The following DIP2B variants were observed in gnomAD, a reference collection of about 807,000 sequenced individuals.
The protein encoded by DIP2B is disco-interacting protein 2 homolog B.
DIP2B carries 76 observed loss-of-function variants against 198.0 expected under a neutral mutation model. The ratio of observed to expected loss-of-function variants is 0.38; its 90% CI spans 0.32 to 0.46. The LOEUF (loss-of-function observed/expected upper bound fraction) is 0.46. Among genes scored for constraint, DIP2B ranks in the 20% least tolerant of loss-of-function variants. The pLI is 0.99. For missense variants in DIP2B, 1,559 were observed against 1,978.4 expected, an observed-to-expected ratio of 0.79 and a Z score of 4.02; for synonymous variants, 701 against 739.1, an observed-to-expected ratio of 0.95 and a Z score of 0.84.
intron 1 of DIP2B, among the ~76,000 whole-genome samples, chr12:50,607,759 TCA>T (rs1346769459): frequency 6.6e-6 from 1 of 152,208 alleles, no homozygotes; most frequent in African/African-American, 2.4e-5. Flanking sequence ...ACATCATTCC[TCA>T]CACAGTTTGC....
chr12:50,540,213 A>C (rs547339912), intron 1 of DIP2B, among the ~76,000 whole-genome samples: 1 of 150,248 alleles, frequency 6.7e-6, no homozygotes, highest in African/African-American at 2.5e-5. Flanking sequence ...GGTTTAAGCA[A>C]TTCTCTGCCT....
intron 1 of DIP2B, among the ~76,000 whole-genome samples, chr12:50,624,483 C>T (rs1427815727): frequency 6.6e-6 from 1 of 152,136 alleles, no homozygotes; most frequent in Admixed American, 6.5e-5. Flanking sequence ...CAGACATGTG[C>T]CACCACACCC....
chr12:50,657,411 T>C (rs1938573502), intron 3 of DIP2B, among the ~76,000 whole-genome samples: 1 of 152,110 alleles, frequency 6.6e-6, no homozygotes, highest in African/African-American at 2.4e-5. Flanking sequence ...GCAGATACCA[T>C]AGTGACCAAA....
At chr12:50,542,726 A>G (rs549688416) in intron 1 of DIP2B, among the ~76,000 whole-genome samples, 2 of 152,346 alleles carry the variant, frequency 1.3e-5, no homozygotes, top group East Asian at 3.9e-4. Flanking sequence ...AACAATTGCA[A>G]AGCTTTAATC....
chr12:50,686,071 A>C (rs1006499742), intron 11 of DIP2B, 115 bp downstream of exon 11: 2 of 1,056,956 alleles, frequency 1.9e-6, no homozygotes, highest in Non-Finnish European at 2.6e-6. Context: ...TAATTCTCAT[A>C]GTCTTATGAA....
chr12:50,550,565 C>T (rs1192883334), intron 1 of DIP2B, among the ~76,000 whole-genome samples: 2 of 152,114 alleles, frequency 1.3e-5, no homozygotes, highest in African/African-American at 4.8e-5. Context: ...ATTCATTTTA[C>T]TCTATTGAAA....
intron 1 of DIP2B, among the ~76,000 whole-genome samples, chr12:50,607,266 G>T (rs1402882411): frequency 1.3e-5 from 2 of 152,184 alleles, no homozygotes; most frequent in Admixed American, 6.6e-5. Context: ...TGAGAAAAGT[G>T]CAGATTTCCC....
chr12:50,557,424 C>T (rs1016007080), intron 1 of DIP2B, among the ~76,000 whole-genome samples: 1 of 152,172 alleles, frequency 6.6e-6, no homozygotes, highest in African/African-American at 2.4e-5. Context: ...GATCTCTCCA[C>T]TTTGGGGCGG....
chr12:50,521,756 G>T (rs1393567351), intron 1 of DIP2B, among the ~76,000 whole-genome samples: 1 of 151,066 alleles, frequency 6.6e-6, no homozygotes, highest in Non-Finnish European at 1.5e-5. Flanking sequence ...CCGCCCCTCC[G>T]CCCTTGGCCT....
intron 1 of DIP2B, among the ~76,000 whole-genome samples, chr12:50,517,574 A>G (rs1958076781): frequency 6.6e-6 from 1 of 151,958 alleles, no homozygotes; most frequent in Non-Finnish European, 1.5e-5. Flanking sequence ...ACACAAACCT[A>G]ATTGTGTTCT....
chr12:50,714,434 G>C lies in DIP2B; in HGVS notation c.2689G>C (p.Ala897Pro). 6.2e-7 allele frequency: 1 copy of C among 1,614,162 alleles called. No individual in the cohort carries two copies. The highest frequency in any genetic ancestry group is 8.5e-7 in the Non-Finnish European group (1 of 1,180,030). Reference protein sequence around the residue: ...SIHQVGVYCLALVPANTLPKT... With the variant: ...SIHQVGVYCLPLVPANTLPKT... ...TCATCAAGTGGGGGTTTATTGTCTT[G>C]CTCTGGTGCCAGCCAATACATTGCC... Residue 897 changes from alanine (A) to proline (P), a missense_variant, in exon 23 of 38, where the codon GCT becomes CCT. By Grantham distance (27) the Ala-to-Pro change is conservative. Transcript: ENST00000301180.
At chr12:50,510,662 T>TTTGAC (rs763876458) in intron 1 of DIP2B, among the ~76,000 whole-genome samples, 1 of 133,714 alleles carries the variant, frequency 7.5e-6, no homozygotes, top group Non-Finnish European at 1.7e-5. Flanking sequence ...TTTTTTTTTT[T>TTTGAC]GAGACGGAGT....
intron 37 of DIP2B, among the ~76,000 whole-genome samples, chr12:50,743,040 G>C (rs1321558098): frequency 6.6e-6 from 1 of 152,186 alleles, no homozygotes; most frequent in African/African-American, 2.4e-5. Context: ...TTAGACATTT[G>C]ACTCTTAATG....
At chr12:50,722,760 TA>T in intron 26 of DIP2B, among the ~76,000 whole-genome samples, 1 of 152,232 alleles carries the variant, frequency 6.6e-6, no homozygotes, top group African/African-American at 2.4e-5. Context: ...CTTTGCTCCC[TA>T]AAACTCATAC....
chr12:50,534,751 G>T (rs181543550), intron 1 of DIP2B, among the ~76,000 whole-genome samples: 16 of 152,250 alleles, frequency 1.1e-4, no homozygotes, highest in African/African-American at 3.9e-4. Context: ...AAAGATTGTG[G>T]GTTTGGGTTT....
intron 3 of DIP2B, among the ~76,000 whole-genome samples, chr12:50,649,165 A>G (rs893140158): frequency 2.0e-5 from 3 of 152,240 alleles, no homozygotes; most frequent in African/African-American, 7.2e-5. Flanking sequence ...TGAAGACGCC[A>G]GGTCTGTCTA....
At chr12:50,541,378 T>C (rs1032648491) in intron 1 of DIP2B, among the ~76,000 whole-genome samples, 3 of 151,782 alleles carry the variant, frequency 2.0e-5, no homozygotes, top group South Asian at 2.1e-4. Flanking sequence ...TCAAAAACTT[T>C]TGGAATCCAA....
chr12:50,648,956 T>G (rs1938404129), intron 3 of DIP2B, among the ~76,000 whole-genome samples: 1 of 152,112 alleles, frequency 6.6e-6, no homozygotes, highest in African/African-American at 2.4e-5. Context: ...AACCTTAACA[T>G]ATGCAAATAA....
chr12:50,736,763 C>T (rs1940145405), intron 34 of DIP2B, among the ~76,000 whole-genome samples: 1 of 152,224 alleles, frequency 6.6e-6, no homozygotes, highest in Non-Finnish European at 1.5e-5. Flanking sequence ...TGCAATTTCT[C>T]ATCCCTTTGA....
Sources: allele counts gnomAD v4.1 joint callset (sites outside exome capture counted in the v4.1 genomes callset), GRCh38; gene constraint gnomAD v4.1.1; transcripts MANE v1.5; gene names NCBI Gene and HGNC (gene_info 2026-07-23, HGNC 2026-07-21).